The following PRRC2B variants were observed in gnomAD, a reference collection of about 807,000 sequenced individuals.
The protein encoded by PRRC2B is proline rich coiled-coil 2B.
A neutral mutation model predicts 242.3 loss-of-function variants in PRRC2B; 68 were observed. The ratio of observed to expected loss-of-function variants is 0.28; its 90% CI spans 0.23 to 0.34. The LOEUF (loss-of-function observed/expected upper bound fraction) is 0.34, where lower values mean the gene tolerates loss of function less well. Ranked by LOEUF, PRRC2B falls within the 10% of genes least tolerant of loss-of-function variation. The pLI, the probability that PRRC2B is intolerant of heterozygous loss-of-function variation, is 1.00. For missense variants in PRRC2B, 2,835 were observed against 2,954.8 expected, an observed-to-expected ratio of 0.96 and a Z score of 0.94; for synonymous variants, 1,228 against 1,173.6, an observed-to-expected ratio of 1.05 and a Z score of -0.95.
chr9:131,438,328 C>G (rs1185050532), intron 4 of PRRC2B, among the ~76,000 whole-genome samples: 1 of 152,130 alleles, frequency 6.6e-6, no homozygotes, highest in African/African-American at 2.4e-5. Context: ...GACTCAGTCA[C>G]TCTTCTCTGA....
chr9:131,423,801 C>T (rs547455498), intron 1 of PRRC2B, among the ~76,000 whole-genome samples: 23 of 152,280 alleles, frequency 1.5e-4, no homozygotes, highest in African/African-American at 4.3e-4. Flanking sequence ...TAATTGTCCT[C>T]GTAGGGGCTG....
chr9:131,405,723 G>T (rs1837343680), intron 1 of PRRC2B, among the ~76,000 whole-genome samples: 1 of 152,134 alleles, frequency 6.6e-6, no homozygotes, highest in African/African-American at 2.4e-5. Context: ...GGCTCCTGGG[G>T]GGGTTATTGT....
chr9:131,469,821 T>C (rs1316708047), intron 13 of PRRC2B, among the ~76,000 whole-genome samples: 4 of 152,214 alleles, frequency 2.6e-5, no homozygotes, highest in Admixed American at 2.6e-4. Flanking sequence ...TGATAATTTG[T>C]TTACCCATTT....
chr9:131,493,266 T>TTCAC (rs1376519303), intron 30 of PRRC2B, among the ~76,000 whole-genome samples: 1 of 152,276 alleles, frequency 6.6e-6, no homozygotes, highest in Non-Finnish European at 1.5e-5. Flanking sequence ...TGTTCTTATT[T>TTCAC]TCACTCTCCT....
At chr9:131,481,388 A>G (rs1182850633) in intron 19 of PRRC2B, among the ~76,000 whole-genome samples, 1 of 151,944 alleles carries the variant, frequency 6.6e-6, no homozygotes, top group Non-Finnish European at 1.5e-5. Flanking sequence ...TAGAAATAGT[A>G]TAAGTGAAAA....
chr9:131,468,362 A>G (rs1588269915), intron 13 of PRRC2B, among the ~76,000 whole-genome samples: 1 of 152,208 alleles, frequency 6.6e-6, no homozygotes, highest in South Asian at 2.1e-4. Context: ...AAGAATGAAT[A>G]CCTGCCTTTC....
At chr9:131,447,056 A>G in intron 7 of PRRC2B, 29 bp from the exon 8 acceptor site, 1 of 1,613,722 alleles carries the variant, frequency 6.2e-7, no homozygotes, top group Non-Finnish European at 8.5e-7. Context: ...CATTACCAGC[A>G]AATCCTGTTC....
At chr9:131,406,758 G>A (rs977090569) in intron 1 of PRRC2B, among the ~76,000 whole-genome samples, 1 of 152,138 alleles carries the variant, frequency 6.6e-6, no homozygotes, top group East Asian at 1.9e-4. Context: ...TCAGTTCACC[G>A]AGATCTTAAA....
In PRRC2B at chr9:131,475,643, G is replaced by A. The variant is rs747427483; in HGVS notation, c.3514G>A (p.Gly1172Ser). 4.3e-6 allele frequency: 7 copies of A among 1,611,042 alleles called. No homozygotes were observed. The highest frequency in any genetic ancestry group is 5.9e-6 in the Non-Finnish European group (7 of 1,178,720). Residue 1172 changes from glycine to serine, a missense_variant, in exon 16 of 32, where the codon GGC (glycine) becomes AGC (serine). Physicochemically the swap from Gly to Ser is moderately conservative, Grantham distance 56. This residue lies in a region of PRRC2B where 1,536 missense variants were observed against 1,483.1 expected (regional missense o/e 1.04). Transcript: ENST00000683519. ...LEREESTLKK[G>S]DCRDSWRSNK... is the part of the protein sequence containing the mutation. The stretch of plus-strand genomic sequence containing the variant: ...GAGGGAGGAGAGCACCTTGAAGAAG[G>A]GCGACTGCAGAGATTCTTGGCGGTC...
rs763401108 is a variant in PRRC2B, at chr9:131,430,191, G to C, written c.47G>C (p.Ser16Thr). 4 of 1,608,524 alleles carry C rather than the reference G, an allele frequency of 2.5e-6. No individual in the cohort carries two copies. Among genetic ancestry groups the C allele is most frequent in the Non-Finnish European group, 3.4e-6 (4 of 1,177,556 alleles). ...GQITKGKDGKSKYSTLSLFDK... is the reference protein window; with the variant it reads ...GQITKGKDGKTKYSTLSLFDK... ...ATTACCAAGGGCAAGGATGGGAAAA[G>C]CAAGTACTCGACTCTCAGCCTGTTT... Residue 16 changes from serine to threonine, a missense_variant, in exon 2 of 32, where the codon AGC becomes ACC. Ser to Thr is a moderately conservative substitution (Grantham distance 58). Around this residue, in one of 7 missense-constraint regions of PRRC2B, gnomAD observed 626 missense variants for 685.5 expected, o/e 0.91. Coordinates refer to ENST00000683519, the MANE Select transcript of PRRC2B (RefSeq NM_013318.4).
intron 16 of PRRC2B, among the ~76,000 whole-genome samples, chr9:131,477,224 C>T (rs1036303505): frequency 6.6e-6 from 1 of 152,188 alleles, no homozygotes; most frequent in African/African-American, 2.4e-5. Flanking sequence ...CTTCCCTGTC[C>T]TCAGCATACT....
Position 131,495,924 on chromosome 9 carries a change from T to C in PRRC2B, c.*50T>C. 3.2e-6 allele frequency: 5 copies of C among 1,578,936 alleles called. No homozygotes were observed. The South Asian group carries it at 3.3e-5, about 10-fold the overall frequency. ...CTCCCTACTGAGGACGGTGCCGCCA[T>C]GCGGCCTCGACACAGCCGACACTCG... On this transcript the variant is annotated 3_prime_UTR_variant, in exon 32 of 32. Transcript: ENST00000683519.
intron 1 of PRRC2B, among the ~76,000 whole-genome samples, chr9:131,383,685 G>C (rs142593458): frequency 7.0e-6 from 1 of 143,468 alleles, no homozygotes; most frequent in Non-Finnish European, 1.5e-5. Flanking sequence ...GCAGCGGCTC[G>C]ATCTCGGCTT....
rs181122920 is a variant in PRRC2B, at chr9:131,416,607, C to A, written c.-51-13487C>A. On this transcript the variant is annotated intron_variant, in intron 1 of 31. Transcript: ENST00000683519. ...TTATGCTTTATTCAGATGTTCTTAG[C>A]TTGTACCCAGTGTCTTTTTTTTTTC... 3.1e-5 allele frequency among the ~76,000 whole-genome samples: 4 copies of A among 128,408 alleles called. No individual in the cohort carries two copies. In the East Asian group the frequency reaches 1.1e-3, roughly 35 times the overall value. The allele number at this position is 128,408 out of a possible 152,430, so 84.2% of individuals were successfully genotyped here.
At position 131,482,260 on chromosome 9, in the gene PRRC2B, G is replaced by A; in HGVS notation, c.4984-111G>A. On this transcript the variant is annotated intron_variant, in intron 20 of 31. Transcript: ENST00000683519. The surrounding 1 kb of genome is among the most constrained non-coding windows in gnomAD (Gnocchi z 5.2). ...CAGGATCAAGATCAGGACCAGACTTGGCAAGGGACAGGCAGCTGGGGTAGA... is the reference window on the plus strand; with the variant it reads ...CAGGATCAAGATCAGGACCAGACTTAGCAAGGGACAGGCAGCTGGGGTAGA... 3 of 1,231,390 alleles carry A rather than the reference G, an allele frequency of 2.4e-6. No individual in the cohort carries two copies. Among genetic ancestry groups the A allele is most frequent in the Non-Finnish European group, 3.4e-6 (3 of 877,596 alleles). The allele number at this position is 1,231,390 out of a possible 1,614,324, so 76.3% of individuals were successfully genotyped here.
chr9:131,377,175 C>T (rs1007690379), intron 1 of PRRC2B, among the ~76,000 whole-genome samples: 6 of 151,792 alleles, frequency 4.0e-5, no homozygotes, highest in African/African-American at 9.7e-5. Flanking sequence ...AGTGCAGTGG[C>T]GCATTCGGGG....
intron 1 of PRRC2B, among the ~76,000 whole-genome samples, chr9:131,427,250 G>C (rs1397683821): frequency 6.6e-6 from 1 of 152,184 alleles, no homozygotes; most frequent in Non-Finnish European, 1.5e-5. Flanking sequence ...CTCAGTCAGC[G>C]TCTTTTGTCT....
chr9:131,487,902 A>T lies in PRRC2B; in HGVS notation c.6031A>T (p.Ile2011Phe). The change falls in exon 28 of 32, where the codon ATC (isoleucine) becomes TTC (phenylalanine). Residue 2011 changes from isoleucine to phenylalanine, a missense_variant. Ile to Phe is a conservative substitution (Grantham distance 21). Coordinates refer to ENST00000683519, the MANE Select transcript of PRRC2B (RefSeq NM_013318.4). The surrounding 1 kb of genome is among the most constrained non-coding windows in gnomAD (Gnocchi z 5.3). ...CAGCCTGTCACCGCCCAGCACCATG[A>T]TCCTCTCTGGGGGCACAGCCTTGAA... The part of the protein sequence containing the change: ...HPSLSPPSTM[I>F]LSGGTALKPP... 3.7e-6 allele frequency: 6 copies of T among 1,613,604 alleles called. No homozygotes were observed. Among genetic ancestry groups the T allele is most frequent in the Non-Finnish European group, 5.1e-6 (6 of 1,179,640 alleles).
At chr9:131,490,852 T>C in intron 28 of PRRC2B, 1 of 316,662 alleles carries the variant, frequency 3.2e-6, no homozygotes, top group Non-Finnish European at 6.3e-6. Context: ...GGACTTGGCT[T>C]CGCCATTACT....
Sources: gnomAD v4.1 joint callset for allele counts (sites outside exome capture counted in the v4.1 genomes callset) on GRCh38, gnomAD v4.1.1 for gene constraint, gnomAD v4.1.1 regional missense constraint, Gnocchi (gnomAD v3.1) non-coding constraint, MANE v1.5 for transcripts, NCBI Gene and HGNC (gene_info 2026-07-23, HGNC 2026-07-21) for gene names.